The following STAG1 variants were observed in gnomAD, a reference collection of about 807,000 sequenced individuals.
The protein encoded by STAG1 is STAG1 cohesin complex component.
In STAG1, 26 loss-of-function variants were observed where a neutral mutation model predicts 170.9. The observed-to-expected ratio is 0.15, with a 90% CI of 0.11 to 0.21. STAG1 has a LOEUF of 0.21. Ranked by LOEUF, STAG1 falls within the 10% of genes least tolerant of loss-of-function variation. The pLI is 1.00. For synonymous variants in STAG1, 514 were observed against 497.7 expected, an observed-to-expected ratio of 1.03 and a Z score of -0.44; for missense variants, 964 against 1,509.5, an observed-to-expected ratio of 0.64 and a Z score of 5.99.
At position 136,613,954 on chromosome 3, in the gene STAG1, C is replaced by T. The variant is rs534173443; in HGVS notation, c.132+9192G>A. Among the ~76,000 whole-genome samples the T allele has an allele frequency of 4.5e-4, 68 of 152,238 alleles. 1 individual carries two copies. In the South Asian group the frequency reaches 0.013, roughly 30 times the overall value. On this transcript the variant is annotated intron_variant, in intron 3 of 33. Coordinates refer to ENST00000383202, the MANE Select transcript of STAG1 (RefSeq NM_005862.3). ...TACTGGCTGGGCGTCGTGGCTCATGCCTGTAATCCCAGCACTTTGGGAGGC... is the reference window on the plus strand; with the variant it reads ...TACTGGCTGGGCGTCGTGGCTCATGTCTGTAATCCCAGCACTTTGGGAGGC...
At chr3:136,453,386 T>G (rs915641350) in intron 13 of STAG1, among the ~76,000 whole-genome samples, 1 of 152,002 alleles carries the variant, frequency 6.6e-6, no homozygotes, top group Admixed American at 6.6e-5. Context: ...AGTCAGGAGA[T>G]TGAGACCATC....
chr3:136,655,104 G>C (rs181578715), intron 1 of STAG1, among the ~76,000 whole-genome samples: 1 of 151,930 alleles, frequency 6.6e-6, no homozygotes, highest in Non-Finnish European at 1.5e-5. Context: ...GAACAACATC[G>C]GCACAGACAA....
chr3:136,703,513 C>T (rs906133521), intron 1 of STAG1, among the ~76,000 whole-genome samples: 13 of 152,158 alleles, frequency 8.5e-5, no homozygotes, highest in Admixed American at 2.6e-4. Flanking sequence ...ATTTATTGAG[C>T]GGCATTGCTC....
chr3:136,642,728 A>G (rs1940850186), intron 1 of STAG1, among the ~76,000 whole-genome samples: 1 of 152,208 alleles, frequency 6.6e-6, no homozygotes, highest in Non-Finnish European at 1.5e-5. Flanking sequence ...ACATACAAAA[A>G]GCTGGATGGC....
intron 9 of STAG1, among the ~76,000 whole-genome samples, chr3:136,489,045 T>C (rs1007501017): frequency 6.6e-6 from 1 of 152,178 alleles, no homozygotes; most frequent in Non-Finnish European, 1.5e-5. Context: ...GACTAATTTT[T>C]ACAACATCCT....
At chr3:136,611,371 A>T (rs1241542105) in intron 3 of STAG1, among the ~76,000 whole-genome samples, 2 of 151,618 alleles carry the variant, frequency 1.3e-5, no homozygotes, top group Non-Finnish European at 2.9e-5. Flanking sequence ...CTGGTCTCGA[A>T]CTCCCGACCT....
intron 1 of STAG1, among the ~76,000 whole-genome samples, chr3:136,688,780 G>A (rs946285206): frequency 6.6e-6 from 1 of 152,196 alleles, no homozygotes; most frequent in African/African-American, 2.4e-5. Flanking sequence ...AAAAAGCAGA[G>A]TGACCTAAAT....
At chr3:136,723,764 C>G (rs1312193768) in intron 1 of STAG1, among the ~76,000 whole-genome samples, 4 of 148,540 alleles carry the variant, frequency 2.7e-5, no homozygotes, top group Admixed American at 6.6e-5. Flanking sequence ...CGGCCAGCCG[C>G]CCCGTCCGGG....
intron 6 of STAG1, among the ~76,000 whole-genome samples, chr3:136,540,848 A>AAAAAAAAAAAAAAAAAAAAAC (rs1935860549): frequency 6.8e-6 from 1 of 147,598 alleles, no homozygotes; most frequent in Non-Finnish European, 1.5e-5. Flanking sequence ...AAAAAAAAAA[A>AAAAAAAAAAAAAAAAAAAAAC]AAAACCTATA....
At chr3:136,430,736 T>C (rs2088273714) in intron 16 of STAG1, among the ~76,000 whole-genome samples, 1 of 149,414 alleles carries the variant, frequency 6.7e-6, no homozygotes, top group South Asian at 2.1e-4. Flanking sequence ...AGGCCACAGG[T>C]TGGACAAGCT....
intron 6 of STAG1, among the ~76,000 whole-genome samples, chr3:136,524,487 G>C (rs1934882852): frequency 6.6e-6 from 1 of 152,206 alleles, no homozygotes; most frequent in Non-Finnish European, 1.5e-5. Flanking sequence ...AGCTTAAGGA[G>C]ATTTTGGGCT....
chr3:136,693,737 TA>T (rs202156211), intron 1 of STAG1, among the ~76,000 whole-genome samples: 253 of 150,530 alleles, frequency 1.7e-3, no homozygotes, highest in Middle Eastern at 3.4e-3. Context: ...CTCAGCTAAT[TA>T]TTTTTTTTTT....
intron 16 of STAG1, among the ~76,000 whole-genome samples, chr3:136,427,090 G>C (rs1362177702): frequency 1.3e-5 from 2 of 149,144 alleles, no homozygotes; most frequent in Non-Finnish European, 3.0e-5. Context: ...TTAGTGGGAT[G>C]TGGTGGCAAG....
intron 1 of STAG1, among the ~76,000 whole-genome samples, chr3:136,641,286 G>GT (rs1204761364): frequency 1.3e-5 from 2 of 152,160 alleles, no homozygotes; most frequent in Non-Finnish European, 2.9e-5. Context: ...CAAAAGTACA[G>GT]TAACTCCAGG....
intron 1 of STAG1, among the ~76,000 whole-genome samples, chr3:136,712,901 G>A (rs1382714191): frequency 6.6e-6 from 1 of 151,928 alleles, no homozygotes; most frequent in Non-Finnish European, 1.5e-5. Flanking sequence ...GACCAGCCTG[G>A]CCAACATGGC....
intron 25 of STAG1, among the ~76,000 whole-genome samples, chr3:136,366,238 T>A (rs189709282): frequency 2.0e-5 from 3 of 152,246 alleles, no homozygotes; most frequent in African/African-American, 7.2e-5. Context: ...ATGATGATAC[T>A]ATTTCTTACA....
intron 26 of STAG1, among the ~76,000 whole-genome samples, chr3:136,361,080 TCAAA>T (rs1936846140): frequency 6.6e-6 from 1 of 152,200 alleles, no homozygotes; most frequent in African/African-American, 2.4e-5. Context: ...TCAAAGAATA[TCAAA>T]GTAAAAGTTA....
intron 14 of STAG1, among the ~76,000 whole-genome samples, chr3:136,446,703 A>C (rs1462511757): frequency 6.7e-6 from 1 of 148,488 alleles, no homozygotes; most frequent in East Asian, 2.1e-4. Flanking sequence ...GATTACAGGC[A>C]TGAGTCACAG....
chr3:136,415,560 G>A (rs1023385558), intron 21 of STAG1, among the ~76,000 whole-genome samples: 19 of 152,294 alleles, frequency 1.2e-4, no homozygotes, highest in African/African-American at 3.4e-4. Flanking sequence ...GTTGAGGGCC[G>A]GGTGCGGTGG....
Sources: allele counts gnomAD v4.1 joint callset (sites outside exome capture counted in the v4.1 genomes callset), GRCh38; gene constraint gnomAD v4.1.1; transcripts MANE v1.5; gene names NCBI Gene and HGNC (gene_info 2026-07-23, HGNC 2026-07-21).